Variants in TMEM71 observed in about 807,000 individuals in gnomAD.
The protein encoded by TMEM71 is transmembrane protein 71.
A neutral mutation model predicts 38.0 loss-of-function variants in TMEM71; 44 were observed. The observed-to-expected ratio is 1.16, with a 90% CI of 0.91 to 1.49. The LOEUF is 1.49. TMEM71 is among the 40% of genes most tolerant of loss of function. The pLI is 0.00. For synonymous variants in TMEM71, 133 were observed against 122.5 expected, an observed-to-expected ratio of 1.09 and a Z score of -0.56; for missense variants, 367 against 348.6, an observed-to-expected ratio of 1.05 and a Z score of -0.42.
In TMEM71 at chr8:132,747,022, C is replaced by A; in HGVS notation, c.407G>T (p.Gly136Val). 6.2e-7 allele frequency: 1 copy of A among 1,613,802 alleles called. No homozygotes were observed. The highest frequency in any genetic ancestry group is 8.5e-7 in the Non-Finnish European group (1 of 1,179,896). The change falls in exon 5 of 10, where the codon GGT becomes GTT. Residue 136 changes from glycine to valine, a missense_variant. Gly to Val is a moderately radical substitution (Grantham distance 109). Coordinates refer to ENST00000677595, the MANE Select transcript of TMEM71 (RefSeq NM_001382403.1). Reference sequence around the variant, plus strand: ...TTCACTTGGAGAAGAGTTGATGTCACCAAAGATACTTCCATGCAGCCAAGA... The same window carrying A: ...TTCACTTGGAGAAGAGTTGATGTCAACAAAGATACTTCCATGCAGCCAAGA... Reference protein sequence around the residue: ...SKSWLHGSIFGDINSSPSEDN... With the variant: ...SKSWLHGSIFVDINSSPSEDN...
At chr8:132,767,760 C>T in the TMEM71 span, among the ~76,000 whole-genome samples, 1 of 152,164 alleles carries the variant, frequency 6.6e-6, no homozygotes, top group Admixed American at 6.5e-5. Flanking sequence ...CAGGTGTGAG[C>T]CACCGCGCCC....
intron 5 of TMEM71, among the ~76,000 whole-genome samples, chr8:132,732,355 A>T (rs773895443): frequency 5.3e-5 from 8 of 152,096 alleles, no homozygotes; most frequent in African/African-American, 9.7e-5. Flanking sequence ...AGAGGAAGAG[A>T]GTAAGTGGGG....
intron 5 of TMEM71, among the ~76,000 whole-genome samples, chr8:132,736,773 G>A (rs1827770683): frequency 6.6e-6 from 1 of 151,858 alleles, no homozygotes; most frequent in African/African-American, 2.4e-5. Context: ...GGAGGTTGCA[G>A]TAAGCCAAGA....
chr8:132,747,012 G>A lies in TMEM71; in HGVS notation c.417C>T (p.Asn139=). The part of the protein sequence containing the change: ...WLHGSIFGDI[N]SSPSEDNWLK... The stretch of plus-strand genomic sequence containing the variant: ...ACCAGTTGTCTTCACTTGGAGAAGA[G>A]TTGATGTCACCAAAGATACTTCCAT... The change falls in exon 5 of 10, where the codon AAC becomes AAT. Residue 139 remains asparagine, a synonymous_variant. Transcript: ENST00000677595. 1 of 1,613,884 alleles carries A rather than the reference G, an allele frequency of 6.2e-7. No homozygotes were observed. Among genetic ancestry groups the A allele is most frequent in the Non-Finnish European group, 8.5e-7 (1 of 1,179,908 alleles).
chr8:132,710,938 C>A lies in TMEM71; in HGVS notation c.*29G>T. The A allele has an allele frequency of 6.2e-7, 1 of 1,604,550 alleles. No homozygotes were observed. The highest frequency in any genetic ancestry group is 8.5e-7 in the Non-Finnish European group (1 of 1,172,774). On this transcript the variant is annotated 3_prime_UTR_variant, in exon 10 of 10. Transcript: ENST00000677595. ...AATTTCCAGATATTCAGATGGAGGA[C>A]ATTCATCGAAGGCATTCCTAAATGG...
chr8:132,725,006 T>C (rs1353769340), intron 6 of TMEM71, among the ~76,000 whole-genome samples: 1 of 152,058 alleles, frequency 6.6e-6, no homozygotes, highest in Non-Finnish European at 1.5e-5. Flanking sequence ...CCACCATGTA[T>C]GGAGGGCCTT....
chr8:132,748,587 A>G (rs1828520916), intron 4 of TMEM71, among the ~76,000 whole-genome samples: 1 of 152,266 alleles, frequency 6.6e-6, no homozygotes, highest in Admixed American at 6.5e-5. Context: ...TCTTGTGAAA[A>G]TGAACCAAAT....
chr8:132,736,246 G>A (rs1226987005), intron 5 of TMEM71, among the ~76,000 whole-genome samples: 2 of 152,166 alleles, frequency 1.3e-5, no homozygotes, highest in Non-Finnish European at 2.9e-5. Context: ...CATTGCTTTA[G>A]AACTGAGAAG....
At chr8:132,726,753 C>A (rs1277727470) in intron 6 of TMEM71, among the ~76,000 whole-genome samples, 1 of 152,184 alleles carries the variant, frequency 6.6e-6, no homozygotes, top group African/African-American at 2.4e-5. Context: ...CAGCTTTGCT[C>A]CTGCCAGAAA....
intron 7 of TMEM71, among the ~76,000 whole-genome samples, chr8:132,721,755 C>T (rs997186524): frequency 1.3e-5 from 2 of 151,970 alleles, no homozygotes; most frequent in Non-Finnish European, 2.9e-5. Context: ...AGGCTGGTCT[C>T]GAACTGCTGA....
intron 5 of TMEM71, among the ~76,000 whole-genome samples, chr8:132,733,192 C>A (rs563342692): frequency 6.6e-6 from 1 of 152,204 alleles, no homozygotes; most frequent in African/African-American, 2.4e-5. Flanking sequence ...TAGTGTCTGT[C>A]TCCCTCACTA....
At chr8:132,743,751 C>T (rs1828183013) in intron 5 of TMEM71, among the ~76,000 whole-genome samples, 2 of 152,124 alleles carry the variant, frequency 1.3e-5, no homozygotes, top group South Asian at 4.1e-4. Context: ...CAAATACCAA[C>T]ACCATCTTGA....
chr8:132,726,438 CAAT>C (rs1827147501), intron 6 of TMEM71, among the ~76,000 whole-genome samples: 1 of 152,102 alleles, frequency 6.6e-6, no homozygotes, highest in Non-Finnish European at 1.5e-5. Flanking sequence ...TGTTATGTAA[CAAT>C]AACTTCACAT....
intron 2 of TMEM71, among the ~76,000 whole-genome samples, chr8:132,757,825 CAAAAA>C (rs56859505): frequency 1.2e-4 from 13 of 107,166 alleles, no homozygotes; most frequent in Admixed American, 9.7e-5. Context: ...GATTCTGTCT[CAAAAA>C]AAAAAAAAAA....
At chr8:132,708,540 G>A (rs753739732), downstream of TMEM71, among the ~76,000 whole-genome samples, 9 of 152,260 alleles carry the variant, frequency 5.9e-5, no homozygotes, top group Admixed American at 1.3e-4. Context: ...CTTTAACTGC[G>A]TCCTCTGCAA....
chr8:132,737,082 G>A (rs1827789499), intron 5 of TMEM71, among the ~76,000 whole-genome samples: 1 of 152,142 alleles, frequency 6.6e-6, no homozygotes, highest in Non-Finnish European at 1.5e-5. Flanking sequence ...ATGAATATTG[G>A]TCGTCAGGGG....
At chr8:132,733,442 C>T (rs1827571619) in intron 5 of TMEM71, among the ~76,000 whole-genome samples, 2 of 152,170 alleles carry the variant, frequency 1.3e-5, no homozygotes, top group South Asian at 2.1e-4. Flanking sequence ...GCTAAGACTG[C>T]GACTTCAAGA....
chr8:132,772,676 T>G, the TMEM71 span, among the ~76,000 whole-genome samples: 1 of 152,152 alleles, frequency 6.6e-6, no homozygotes, highest in Non-Finnish European at 1.5e-5. Context: ...AAGCTATACA[T>G]ATATACTTAA....
intron 5 of TMEM71, among the ~76,000 whole-genome samples, chr8:132,734,803 A>G (rs1383050170): frequency 1.3e-5 from 2 of 152,212 alleles, no homozygotes; most frequent in Non-Finnish European, 1.5e-5. Flanking sequence ...CTCTAGTTGT[A>G]TTATTGTTGA....
Sources: gnomAD v4.1 joint callset for allele counts (sites outside exome capture counted in the v4.1 genomes callset) on GRCh38, gnomAD v4.1.1 for gene constraint, MANE v1.5 for transcripts, NCBI Gene and HGNC (gene_info 2026-07-23, HGNC 2026-07-21) for gene names.